The following PPP3R1 variants were observed in gnomAD, a reference collection of about 807,000 sequenced individuals.
PPP3R1 encodes the protein calcineurin subunit B type 1.
PPP3R1 carries 5 observed loss-of-function variants against 22.6 expected under a neutral mutation model. That is an observed-to-expected ratio of 0.22 (90% CI 0.12 to 0.46). PPP3R1 has a LOEUF of 0.46. PPP3R1 is among the 20% of genes least tolerant of loss of function. PPP3R1 has a pLI of 0.99. For synonymous variants in PPP3R1, 56 were observed against 65.2 expected (o/e 0.86, Z 0.68); for missense variants, 61 against 203.2 (o/e 0.30, Z 4.25).
At chr2:68,222,892 A>G (rs1669713081) in intron 1 of PPP3R1, among the ~76,000 whole-genome samples, 1 of 152,220 alleles carries the variant, frequency 6.6e-6, no homozygotes, top group African/African-American at 2.4e-5. Context: ...AAAGAAAGTA[A>G]ATAGTAAGAA....
intron 1 of PPP3R1, among the ~76,000 whole-genome samples, chr2:68,231,160 T>G (rs1490005375): frequency 1.3e-5 from 2 of 152,206 alleles, no homozygotes; most frequent in Non-Finnish European, 2.9e-5. Flanking sequence ...CCTGAGGCTC[T>G]GCACATTTTT....
intron 5 of PPP3R1, among the ~76,000 whole-genome samples, chr2:68,182,645 GTC>G (rs1405637216): frequency 8.2e-6 from 1 of 121,398 alleles, no homozygotes. Flanking sequence ...GTGAAACCAG[GTC>G]TCTAATACTT....
intron 1 of PPP3R1, among the ~76,000 whole-genome samples, chr2:68,236,524 A>C (rs1344924033): frequency 6.6e-6 from 1 of 152,190 alleles, no homozygotes. Context: ...GAGAGGAAGT[A>C]GAATTTTGGT....
Position 68,252,116 on chromosome 2 carries a change from A to G in PPP3R1, c.3+9T>C, listed in dbSNP as rs781060161. The G allele has an allele frequency of 7.7e-6, 11 of 1,434,022 alleles. No individual in the cohort carries two copies. Among genetic ancestry groups the G allele is most frequent in the East Asian group, 3.1e-5 (1 of 32,584 alleles). 88.8% of individuals were successfully genotyped at this position (1,434,022 alleles called of 1,614,324 possible). A position where few individuals can be genotyped will look rare whatever the true frequency, so the allele number is the denominator to read the frequency against. ...GAGGGATGGTGCATCGAGGAAGCCA[A>G]GGTCTCACCATTTTGCTCGGCGGGT... On this transcript the variant is annotated intron_variant, in intron 1 of 5. Coordinates refer to ENST00000234310, the MANE Select transcript of PPP3R1 (RefSeq NM_000945.4).
At chr2:68,212,011 T>G (rs1669496264) in intron 2 of PPP3R1, among the ~76,000 whole-genome samples, 2 of 152,254 alleles carry the variant, frequency 1.3e-5, no homozygotes, top group Admixed American at 6.5e-5. Flanking sequence ...TTGTTTATAC[T>G]GATATTTTGA....
At chr2:68,236,751 G>GA (rs1670026616) in intron 1 of PPP3R1, among the ~76,000 whole-genome samples, 2 of 152,116 alleles carry the variant, frequency 1.3e-5, no homozygotes, top group African/African-American at 4.8e-5. Flanking sequence ...GTGATGGAAA[G>GA]TAACCTAGGG....
At chr2:68,240,596 T>C (rs1453023927) in intron 1 of PPP3R1, among the ~76,000 whole-genome samples, 1 of 152,202 alleles carries the variant, frequency 6.6e-6, no homozygotes, top group African/African-American at 2.4e-5. Context: ...TGACCTGCTC[T>C]GGGAGTGTAT....
At chr2:68,208,257 ATAAGT>A (rs1325905325) in intron 2 of PPP3R1, among the ~76,000 whole-genome samples, 1 of 152,220 alleles carries the variant, frequency 6.6e-6, no homozygotes, top group Non-Finnish European at 1.5e-5. Flanking sequence ...TATTCTGTAG[ATAAGT>A]TAACTGTGCA....
chr2:68,185,840 T>C (rs1031620012), intron 5 of PPP3R1, among the ~76,000 whole-genome samples: 11 of 152,226 alleles, frequency 7.2e-5, no homozygotes, highest in Admixed American at 6.5e-4. Flanking sequence ...CACCCCACTT[T>C]TTGAAAACAT....
At chr2:68,218,669 G>A (rs928286402) in intron 1 of PPP3R1, among the ~76,000 whole-genome samples, 1 of 148,184 alleles carries the variant, frequency 6.7e-6, no homozygotes, top group African/African-American at 2.5e-5. Flanking sequence ...TATGTTTCTT[G>A]CAAGACTCTC....
chr2:68,188,751 T>C (rs1379831445), intron 2 of PPP3R1, 61 bp from the exon 3 acceptor site: 3 of 1,427,814 alleles, frequency 2.1e-6, no homozygotes, highest in African/African-American at 2.9e-5. Context: ...TCCTTTCTAA[T>C]GGGCAGTAGC....
At chr2:68,222,446 T>C (rs1174196646) in intron 1 of PPP3R1, among the ~76,000 whole-genome samples, 2 of 152,226 alleles carry the variant, frequency 1.3e-5, no homozygotes, top group Admixed American at 6.5e-5. Flanking sequence ...GAGATTAGCA[T>C]CTGAACTGGT....
At chr2:68,204,891 C>A (rs1675079469) in intron 2 of PPP3R1, among the ~76,000 whole-genome samples, 1 of 152,206 alleles carries the variant, frequency 6.6e-6, no homozygotes, top group Admixed American at 6.5e-5. Flanking sequence ...ATTATGCTTC[C>A]ACTGTCAAAG....
intron 1 of PPP3R1, among the ~76,000 whole-genome samples, chr2:68,248,752 C>T (rs891814544): frequency 6.6e-6 from 1 of 152,106 alleles, no homozygotes; most frequent in Non-Finnish European, 1.5e-5. Context: ...CTTTTTAGAC[C>T]CAGCTAGCTC....
At chr2:68,239,533 G>C (rs574370474) in intron 1 of PPP3R1, among the ~76,000 whole-genome samples, 6 of 152,170 alleles carry the variant, frequency 3.9e-5, no homozygotes, top group Admixed American at 2.6e-4. Flanking sequence ...GTTACATTTA[G>C]TTGAGTTTGA....
chr2:68,209,625 GT>G (rs1187059813), intron 2 of PPP3R1, among the ~76,000 whole-genome samples: 3 of 151,874 alleles, frequency 2.0e-5, no homozygotes, highest in Non-Finnish European at 4.4e-5. Flanking sequence ...AGGAGTGGTG[GT>G]ACATGCCTGT....
chr2:68,187,491 A>AT (rs891782459), intron 3 of PPP3R1, among the ~76,000 whole-genome samples, 177 bp from the exon 4 acceptor site: 2 of 152,038 alleles, frequency 1.3e-5, no homozygotes, highest in African/African-American at 2.4e-5. Flanking sequence ...GTCTCTCTGT[A>AT]TTTTTTTTAT....
At chr2:68,209,269 G>A (rs1415051610) in intron 2 of PPP3R1, among the ~76,000 whole-genome samples, 2 of 139,518 alleles carry the variant, frequency 1.4e-5, no homozygotes, top group Middle Eastern at 3.7e-3. Context: ...TGAGGCAGGA[G>A]AATGGCGTGA....
At chr2:68,185,478 G>A (rs954912697) in intron 5 of PPP3R1, among the ~76,000 whole-genome samples, 5 of 145,890 alleles carry the variant, frequency 3.4e-5, no homozygotes, top group African/African-American at 5.0e-5. Flanking sequence ...TTATATATAT[G>A]TAAAATATAC....
Sources: gnomAD v4.1 joint callset for allele counts (sites outside exome capture counted in the v4.1 genomes callset) on GRCh38, gnomAD v4.1.1 for gene constraint, MANE v1.5 for transcripts, NCBI Gene and HGNC (gene_info 2026-07-23, HGNC 2026-07-21) for gene names.